RIMS1: variants seen among roughly 807,000 people sequenced by gnomAD.
RIMS1 encodes the protein regulating synaptic membrane exocytosis 1.
In RIMS1, 83 loss-of-function variants were observed where a neutral mutation model predicts 214.1. That is an observed-to-expected ratio of 0.39 (90% confidence interval 0.32 to 0.47). The LOEUF is 0.47. Among genes scored for constraint, RIMS1 ranks in the 20% least tolerant of loss-of-function variants. RIMS1 has a pLI of 0.99. For missense variants in RIMS1, 2,050 were observed against 2,161.8 expected (o/e 0.95, Z 1.03); for synonymous variants, 793 against 786.8 (o/e 1.01, Z -0.13).
At chr6:72,143,784 C>T (rs2042366898) in intron 4 of RIMS1, among the ~76,000 whole-genome samples, 1 of 152,180 alleles carries the variant, frequency 6.6e-6, no homozygotes, top group Non-Finnish European at 1.5e-5. Context: ...ATAGTTTCTA[C>T]ATTATCGTAT....
At chr6:72,258,070 T>C (rs1024877857) in intron 16 of RIMS1, 55 bp from the exon 17 acceptor site, 6 of 1,462,554 alleles carry the variant, frequency 4.1e-6, no homozygotes, top group African/African-American at 1.4e-5. Context: ...CCTGTGTTAA[T>C]GTTTGCATTA....
At chr6:72,071,274 G>A (rs1830524251) in intron 2 of RIMS1, among the ~76,000 whole-genome samples, 2 of 152,148 alleles carry the variant, frequency 1.3e-5, no homozygotes, top group African/African-American at 4.8e-5. Flanking sequence ...GGTCATTCAT[G>A]CCTGTAGTCC....
intron 4 of RIMS1, among the ~76,000 whole-genome samples, chr6:72,154,104 C>G (rs372780286): frequency 1.1e-4 from 16 of 152,046 alleles, no homozygotes; most frequent in Admixed American, 9.8e-4. Flanking sequence ...AATACACACA[C>G]GCACGCACTC....
chr6:72,267,762 T>C (rs1274921964), intron 22 of RIMS1, among the ~76,000 whole-genome samples: 1 of 152,160 alleles, frequency 6.6e-6, no homozygotes, highest in East Asian at 1.9e-4. Context: ...TAAATCTCCA[T>C]GTTGGCAAAT....
chr6:71,992,404 C>CTTTCTT (rs200339642), intron 2 of RIMS1, among the ~76,000 whole-genome samples: 7,966 of 109,944 alleles, frequency 0.072, 290 homozygotes, highest in Non-Finnish European at 0.091. Flanking sequence ...TTCTCTCTCT[C>CTTTCTT]TCTTTCTTTC....
chr6:72,349,187 A>G (rs541145322), intron 29 of RIMS1, among the ~76,000 whole-genome samples: 1 of 152,074 alleles, frequency 6.6e-6, no homozygotes, highest in Non-Finnish European at 1.5e-5. Flanking sequence ...ATGATTAGTC[A>G]TAGTTTTAGT....
At chr6:72,348,481 G>A (rs2097341028) in intron 29 of RIMS1, among the ~76,000 whole-genome samples, 1 of 151,756 alleles carries the variant, frequency 6.6e-6, no homozygotes. Context: ...AAAAGCACCT[G>A]AACATTGCTC....
intron 4 of RIMS1, among the ~76,000 whole-genome samples, chr6:72,126,358 T>A (rs1315662357): frequency 2.0e-5 from 3 of 152,248 alleles, no homozygotes; most frequent in East Asian, 1.9e-4. Context: ...AGACATTAGT[T>A]TGGCAAAAAG....
At chr6:71,984,635 G>A (rs1031317166) in intron 2 of RIMS1, among the ~76,000 whole-genome samples, 5 of 152,174 alleles carry the variant, frequency 3.3e-5, no homozygotes, top group South Asian at 4.1e-4. Context: ...TTACTCAGAC[G>A]TCTGTTTCCA....
chr6:72,176,147 CTTTAG>C (rs141919608), intron 4 of RIMS1, among the ~76,000 whole-genome samples: 7,796 of 152,228 alleles, frequency 0.051, 276 homozygotes, highest in Middle Eastern at 0.099. Context: ...CACAGGCCTA[CTTTAG>C]TTTAGATTAG....
intron 3 of RIMS1, among the ~76,000 whole-genome samples, chr6:72,098,924 A>G (rs745305984): frequency 5.9e-5 from 9 of 152,230 alleles, no homozygotes; most frequent in Non-Finnish European, 1.3e-4. Flanking sequence ...TAGAAAGTAC[A>G]TAAGATCTAT....
rs78139343 is a variant in RIMS1, at chr6:71,893,757, A to T, written c.164+6570A>T. ...TTTCTGTGGACAGCAAGAGGGGGTT[A>T]TTCTGCAGAATTGATTTTAGATGTT... On this transcript the variant is annotated intron_variant, in intron 1 of 33. Transcript: ENST00000521978. Among the ~76,000 whole-genome samples, 25 of 152,316 alleles carry T rather than the reference A, an allele frequency of 1.6e-4. No homozygotes were observed. The East Asian group carries it at 4.8e-3, about 29-fold the overall frequency.
chr6:72,308,886 C>T (rs760310707), intron 27 of RIMS1, among the ~76,000 whole-genome samples: 5 of 152,146 alleles, frequency 3.3e-5, no homozygotes, highest in Non-Finnish European at 7.4e-5. Flanking sequence ...TATCTGTCTT[C>T]ATAGATATCA....
intron 29 of RIMS1, among the ~76,000 whole-genome samples, chr6:72,386,981 G>T (rs527941927): frequency 6.6e-6 from 1 of 151,868 alleles, no homozygotes; most frequent in Non-Finnish European, 1.5e-5. Flanking sequence ...TGATCCACCC[G>T]CCTCGGCCTC....
intron 29 of RIMS1, among the ~76,000 whole-genome samples, chr6:72,360,622 G>A (rs1037985143): frequency 1.3e-5 from 2 of 151,106 alleles, no homozygotes; most frequent in East Asian, 1.9e-4. Flanking sequence ...CTTAATAAAA[G>A]GGAAATACAT....
At chr6:72,370,681 G>C (rs2098188274) in intron 29 of RIMS1, among the ~76,000 whole-genome samples, 1 of 152,132 alleles carries the variant, frequency 6.6e-6, no homozygotes, top group African/African-American at 2.4e-5. Context: ...TATATTTGGG[G>C]AGTGAAGGTA....
intron 1 of RIMS1, among the ~76,000 whole-genome samples, chr6:71,949,448 G>A (rs1322722590): frequency 6.6e-6 from 1 of 152,116 alleles, no homozygotes; most frequent in Non-Finnish European, 1.5e-5. Flanking sequence ...TTTACACACT[G>A]AAGTAGGCTA....
intron 1 of RIMS1, among the ~76,000 whole-genome samples, chr6:71,919,996 AG>A (rs1779535633): frequency 1.3e-5 from 2 of 152,180 alleles, no homozygotes. Context: ...TTTTGCCACC[AG>A]GGGAAGAAAC....
intron 2 of RIMS1, among the ~76,000 whole-genome samples, chr6:72,069,806 C>T (rs1463629846): frequency 2.0e-5 from 3 of 152,192 alleles, no homozygotes; most frequent in Non-Finnish European, 4.4e-5. Flanking sequence ...ATCATCACTA[C>T]AGCAGTCAAG....
Sources: allele counts gnomAD v4.1 joint callset (sites outside exome capture counted in the v4.1 genomes callset), GRCh38; gene constraint gnomAD v4.1.1; transcripts MANE v1.5; gene names NCBI Gene and HGNC (gene_info 2026-07-23, HGNC 2026-07-21).